Variants in B4GALT2 observed in about 807,000 individuals in gnomAD.
B4GALT2 encodes beta-1,4-galactosyltransferase 2.
B4GALT2 carries 18 observed loss-of-function variants against 33.2 expected under a neutral mutation model. The ratio of observed to expected loss-of-function variants is 0.54; its 90% CI spans 0.38 to 0.80. B4GALT2 has a LOEUF of 0.80. Ranked by LOEUF, B4GALT2 falls within the 30% of genes least tolerant of loss-of-function variation. The pLI is 0.00. For missense variants in B4GALT2, 404 were observed against 526.2 expected, an observed-to-expected ratio of 0.77 and a Z score of 2.27; for synonymous variants, 214 against 217.6, an observed-to-expected ratio of 0.98 and a Z score of 0.15.
chr1:43,983,218 A>G (rs2085620345), intron 3 of B4GALT2, among the ~76,000 whole-genome samples: 1 of 152,148 alleles, frequency 6.6e-6, no homozygotes, highest in South Asian at 2.1e-4. Flanking sequence ...GGAGAGAGGG[A>G]TCTGGGAGCA....
chr1:43,983,931 A>C (rs970563678), intron 3 of B4GALT2, among the ~76,000 whole-genome samples: 2 of 152,124 alleles, frequency 1.3e-5, no homozygotes, highest in Admixed American at 6.5e-5. Context: ...GGTGGAGAAG[A>C]GGGCCTTTCT....
chr1:43,990,595 TG>T lies in B4GALT2; in HGVS notation c.*149del. 1 of 1,204,602 alleles carries T rather than the reference TG, an allele frequency of 8.3e-7. No individual in the cohort carries two copies. Among genetic ancestry groups the T allele is most frequent in the East Asian group, 2.5e-5 (1 of 40,600 alleles). 74.6% of individuals were successfully genotyped at this position (1,204,602 alleles called of 1,614,324 possible). ...CTTCACTAGGCCCCCTAGCTACACC[TG>T]GAAGTTTCAGAACCCACTTTGGGGG... On this transcript the variant is annotated 3_prime_UTR_variant, in exon 7 of 7. Coordinates refer to ENST00000372324, the MANE Select transcript of B4GALT2 (RefSeq NM_003780.5).
chr1:43,987,504 T>C (rs531866043), intron 6 of B4GALT2, among the ~76,000 whole-genome samples: 1 of 152,248 alleles, frequency 6.6e-6, no homozygotes, highest in South Asian at 2.1e-4. Flanking sequence ...TCTGGATTCT[T>C]CTTTTCCTCA....
chr1:43,987,574 G>A (rs567554746), intron 6 of B4GALT2, among the ~76,000 whole-genome samples: 4 of 152,150 alleles, frequency 2.6e-5, no homozygotes, highest in African/African-American at 9.7e-5. Context: ...ACATATTTGA[G>A]TCCATTTGCT....
intron 6 of B4GALT2, chr1:43,986,040 A>G: frequency 4.6e-6 from 1 of 218,988 alleles, no homozygotes; most frequent in East Asian, 1.2e-4. Flanking sequence ...GACCTGACAA[A>G]GGGGACCTGA....
chr1:43,989,479 G>A (rs997474990), intron 6 of B4GALT2, among the ~76,000 whole-genome samples: 1 of 152,198 alleles, frequency 6.6e-6, no homozygotes, highest in Non-Finnish European at 1.5e-5. Context: ...AGGGAGGAGT[G>A]AGATAGGAAT....
Position 43,985,440 on chromosome 1 carries a change from G to A in B4GALT2, c.863+40G>A, listed in dbSNP as rs748880383. On this transcript the variant is annotated intron_variant, in intron 5 of 6. Coordinates refer to ENST00000372324, the MANE Select transcript of B4GALT2 (RefSeq NM_003780.5). ...GGTGGGGAATAGGCTGGGTGGGGGG[G>A]GGAGGGGGGGTGCAGACTGGGTGGG... 6.0e-5 allele frequency: 35 copies of A among 587,850 alleles called. 1 individual carries two copies. Among genetic ancestry groups the A allele is most frequent in the Middle Eastern group, 5.1e-4 (1 of 1,948 alleles). The allele number at this position is 587,850 out of a possible 1,614,324, so 36.4% of individuals were successfully genotyped here.
chr1:43,984,043 G>A lies in B4GALT2; in HGVS notation c.550-822G>A, dbSNP rs1053528611. ...TTGGGGCAGGGGCTCAGGGGTCAGCGCCTCCCACTGAATGCTCCCTGCTAG... is the reference window on the plus strand; with the variant it reads ...TTGGGGCAGGGGCTCAGGGGTCAGCACCTCCCACTGAATGCTCCCTGCTAG... On this transcript the variant is annotated intron_variant, in intron 3 of 6. Coordinates refer to ENST00000372324, the MANE Select transcript of B4GALT2 (RefSeq NM_003780.5). The surrounding 1 kb of genome is among the most constrained non-coding windows in gnomAD (Gnocchi z 5.6). Among the ~76,000 whole-genome samples the A allele has an allele frequency of 1.3e-5, 2 of 152,204 alleles. No homozygotes were observed. The highest frequency in any genetic ancestry group is 1.5e-5 in the Non-Finnish European group (1 of 68,028).
chr1:43,987,505 C>G (rs1057002443), intron 6 of B4GALT2, among the ~76,000 whole-genome samples: 4 of 152,144 alleles, frequency 2.6e-5, no homozygotes, highest in African/African-American at 9.7e-5. Flanking sequence ...CTGGATTCTT[C>G]TTTTCCTCAC....
In B4GALT2 at chr1:43,982,652, TGTG is replaced by T. The variant is rs957668481; in HGVS notation, c.549+732_549+734del. 6.6e-6 allele frequency among the ~76,000 whole-genome samples: 1 copy of T among 151,882 alleles called. No homozygotes were observed. The highest frequency in any genetic ancestry group is 2.4e-5 in the African/African-American group (1 of 41,316). On this transcript the variant is annotated intron_variant, in intron 3 of 6. Coordinates refer to ENST00000372324, the MANE Select transcript of B4GALT2 (RefSeq NM_003780.5). This position sits in a 1 kb window ranked among gnomAD's most constrained non-coding sequence, Gnocchi z 4.3. Reference sequence around the variant, plus strand: ...CGTGTTCACGAACTATTGGCTGAGGTGTGGTGTCCAGCATGTGGACTGGGTAGC... The same window carrying T: ...CGTGTTCACGAACTATTGGCTGAGGTGTGTCCAGCATGTGGACTGGGTAGC...
chr1:43,987,750 T>C (rs2085674886), intron 6 of B4GALT2, among the ~76,000 whole-genome samples: 1 of 152,214 alleles, frequency 6.6e-6, no homozygotes, highest in South Asian at 2.1e-4. Context: ...CATGAGCTGC[T>C]CGCTCTGACT....
chr1:43,981,403 G>C lies in B4GALT2; in HGVS notation c.243G>C (p.Glu81Asp), dbSNP rs762398729. 2.3e-5 allele frequency: 37 copies of C among 1,598,358 alleles called. No homozygotes were observed. Among genetic ancestry groups the C allele is most frequent in the Non-Finnish European group, 1.7e-6 (2 of 1,179,644 alleles). ...CCGCCTCTAGCTCCGGGCTCCCTGA[G>C]GTCCCCAGTGCCCTGCCCGGTCCCA... ...NATASSSGLP[E>D]VPSALPGPTA... Residue 81 changes from glutamate (E) to aspartate (D), a missense_variant, in exon 2 of 7, where the codon GAG becomes GAC. Coordinates refer to ENST00000372324, the MANE Select transcript of B4GALT2 (RefSeq NM_003780.5). The surrounding 1 kb of genome is among the most constrained non-coding windows in gnomAD (Gnocchi z 8.1).
chr1:43,979,972 C>T lies in B4GALT2; in HGVS notation c.-53+461C>T. 1 of 1,528,504 alleles carries T rather than the reference C, an allele frequency of 6.5e-7. No homozygotes were observed. Among genetic ancestry groups the T allele is most frequent in the East Asian group, 2.5e-5 (1 of 39,576 alleles). 94.7% of individuals were successfully genotyped at this position (1,528,504 alleles called of 1,614,324 possible). A position where few individuals can be genotyped will look rare whatever the true frequency, so the allele number is the denominator to read the frequency against. On this transcript the variant is annotated intron_variant, in intron 1 of 6. Transcript: ENST00000372324. The surrounding 1 kb of genome is among the most constrained non-coding windows in gnomAD (Gnocchi z 4.8). Reference sequence around the variant, plus strand: ...GCCGGAGGGAGGGTGGGAATGTCTGCACGTGGGTCTGGGTGTGAGCTGTCT... The same window carrying T: ...GCCGGAGGGAGGGTGGGAATGTCTGTACGTGGGTCTGGGTGTGAGCTGTCT...
At position 43,984,381 on chromosome 1, in the gene B4GALT2, G is replaced by A. The variant is rs1236933760; in HGVS notation, c.550-484G>A. ...AGGGCTGGCCATCTCCAGAATCCCCGCTAGCACAAAGGAGAGAGCGCCACA... is the reference window on the plus strand; with the variant it reads ...AGGGCTGGCCATCTCCAGAATCCCCACTAGCACAAAGGAGAGAGCGCCACA... On this transcript the variant is annotated intron_variant, in intron 3 of 6. Coordinates refer to ENST00000372324, the MANE Select transcript of B4GALT2 (RefSeq NM_003780.5). This position sits in a 1 kb window ranked among gnomAD's most constrained non-coding sequence, Gnocchi z 5.6. Among the ~76,000 whole-genome samples the A allele has an allele frequency of 6.6e-6, 1 of 152,246 alleles. No homozygotes were observed. Among genetic ancestry groups the A allele is most frequent in the East Asian group, 1.9e-4 (1 of 5,198 alleles).
At position 43,979,867 on chromosome 1, in the gene B4GALT2, C is replaced by A; in HGVS notation, c.-53+356C>A. ...CCGGTCTGTGCGGCCTGCCCGTCCGCGGGTGCCACGTGTTCAGCCTGCCAG... is the reference window on the plus strand; with the variant it reads ...CCGGTCTGTGCGGCCTGCCCGTCCGAGGGTGCCACGTGTTCAGCCTGCCAG... On this transcript the variant is annotated intron_variant, in intron 1 of 6. Transcript: ENST00000372324. This position sits in a 1 kb window ranked among gnomAD's most constrained non-coding sequence, Gnocchi z 4.8. 1 of 848,812 alleles carries A rather than the reference C, an allele frequency of 1.2e-6. No homozygotes were observed. Among genetic ancestry groups the A allele is most frequent in the Non-Finnish European group, 1.8e-6 (1 of 553,154 alleles). 52.6% of individuals were successfully genotyped at this position (848,812 alleles called of 1,614,324 possible).
chr1:43,979,638 A>C lies in B4GALT2; in HGVS notation c.-53+127A>C. On this transcript the variant is annotated intron_variant, in intron 1 of 6. Coordinates refer to ENST00000372324, the MANE Select transcript of B4GALT2 (RefSeq NM_003780.5). This position sits in a 1 kb window ranked among gnomAD's most constrained non-coding sequence, Gnocchi z 4.8. ...GCCGGTGAGAGAGGCGCCGGCGGCC[A>C]GACCCCGGCCTGGCTGCCCCCACCC... 4 of 164,444 alleles carry C rather than the reference A, an allele frequency of 2.4e-5. No homozygotes were observed. Among genetic ancestry groups the C allele is most frequent in the Non-Finnish European group, 5.0e-5 (4 of 80,054 alleles). 10.2% of individuals were successfully genotyped at this position (164,444 alleles called of 1,614,324 possible). A position where few individuals can be genotyped will look rare whatever the true frequency, so the allele number is the denominator to read the frequency against.
rs111479650 is a variant in B4GALT2, at chr1:43,990,615, T to G, written c.*167T>G. 3 of 963,252 alleles carry G rather than the reference T, an allele frequency of 3.1e-6. No individual in the cohort carries two copies. The highest frequency in any genetic ancestry group is 5.2e-5 in the East Asian group (2 of 38,212). The allele number at this position is 963,252 out of a possible 1,614,324, so 59.7% of individuals were successfully genotyped here. A position where few individuals can be genotyped will look rare whatever the true frequency, so the allele number is the denominator to read the frequency against. ...ACACCTGGAAGTTTCAGAACCCACT[T>G]TGGGGGGCCTCCTGCCTGGGCAGGC... On this transcript the variant is annotated 3_prime_UTR_variant, in exon 7 of 7. Transcript: ENST00000372324.
chr1:43,987,401 G>C (rs113591519), intron 6 of B4GALT2, among the ~76,000 whole-genome samples: 8 of 152,102 alleles, frequency 5.3e-5, no homozygotes, highest in Non-Finnish European at 1.0e-4. Context: ...ACACCCTTTA[G>C]GCCCTTCTCC....
Position 43,981,757 on chromosome 1 carries a change from G to A in B4GALT2, c.382G>A (p.Val128Met), listed in dbSNP as rs946839838. 21 of 1,613,442 alleles carry A rather than the reference G, an allele frequency of 1.3e-5. No homozygotes were observed. The highest frequency in any genetic ancestry group is 3.3e-5 in the Admixed American group (2 of 60,010). The change falls in exon 3 of 7, where the codon GTG becomes ATG. Residue 128 changes from valine to methionine, a missense_variant. Val to Met is a conservative substitution (Grantham distance 21). Transcript: ENST00000372324. The surrounding 1 kb of genome is among the most constrained non-coding windows in gnomAD (Gnocchi z 8.1). ...GCGGGTGCAGAGGGAGAACCCAGGC[G>A]TGCTCATGGGCGGCCGATACACACC... ...LERVQRENPG[V>M]LMGGRYTPPD...
Sources: gnomAD v4.1 joint callset for allele counts (sites outside exome capture counted in the v4.1 genomes callset) on GRCh38, gnomAD v4.1.1 for gene constraint, Gnocchi (gnomAD v3.1) non-coding constraint, MANE v1.5 for transcripts, NCBI Gene and HGNC (gene_info 2026-07-23, HGNC 2026-07-21) for gene names.